LRRFIP1: variants seen among roughly 807,000 people sequenced by gnomAD.
The protein encoded by LRRFIP1 is LRR binding FLII interacting protein 1, also known as leucine-rich repeat flightless-interacting protein 1.
In LRRFIP1, 62 loss-of-function variants were observed where a neutral mutation model predicts 104.4. The ratio of observed to expected loss-of-function variants is 0.59; its 90% CI spans 0.48 to 0.73. The LOEUF (loss-of-function observed/expected upper bound fraction) is 0.73, where lower values mean the gene tolerates loss of function less well. Among genes scored for constraint, LRRFIP1 ranks in the 30% least tolerant of loss-of-function variants. The pLI, the probability that LRRFIP1 is intolerant of heterozygous loss-of-function variation, is 0.00. For missense variants in LRRFIP1, 796 were observed against 824.5 expected (o/e 0.97, Z 0.42); for synonymous variants, 300 against 299.0 (o/e 1.00, Z -0.03).
At chr2:237,745,833 C>T (rs999161346) in intron 11 of LRRFIP1, among the ~76,000 whole-genome samples, 1 of 152,152 alleles carries the variant, frequency 6.6e-6, no homozygotes, top group Non-Finnish European at 1.5e-5. Context: ...ACAGGCTTTT[C>T]AGTGGTAGTT....
At chr2:237,692,958 TC>T (rs1488105067) in intron 1 of LRRFIP1, among the ~76,000 whole-genome samples, 1 of 152,168 alleles carries the variant, frequency 6.6e-6, no homozygotes, top group Non-Finnish European at 1.5e-5. Flanking sequence ...TTTGGAGCAC[TC>T]AACCCGCTCA....
chr2:237,749,253 A>G lies in LRRFIP1; in HGVS notation c.724A>G (p.Thr242Ala). The change falls in exon 13 of 24, where the codon ACT becomes GCT. Residue 242 changes from threonine to alanine, a missense_variant. Physicochemically the swap from Thr to Ala is moderately conservative, Grantham distance 58 (BLOSUM62 0). Coordinates refer to ENST00000308482, the MANE Select transcript of LRRFIP1 (RefSeq NM_001137550.2). The stretch of plus-strand genomic sequence containing the variant: ...AGCCACGCTGGCCTCTCTGGGTGGG[A>G]CTTCCTCTCGGAGAGGCAGCGGAGA... ...SAATLASLGG[T>A]SSRRGSGDTS... 1 of 1,613,958 alleles carries G rather than the reference A, an allele frequency of 6.2e-7. No individual in the cohort carries two copies. The highest frequency in any genetic ancestry group is 1.1e-5 in the South Asian group (1 of 91,040).
intron 1 of LRRFIP1, among the ~76,000 whole-genome samples, chr2:237,675,031 A>T (rs977632303): frequency 4.6e-5 from 7 of 152,160 alleles, no homozygotes; most frequent in African/African-American, 1.7e-4. Flanking sequence ...TGTTTCTGTG[A>T]GCGTCACCCC....
At position 237,780,792 on chromosome 2, in the gene LRRFIP1, T is replaced by C. The variant is rs1470251102; in HGVS notation, c.*1260T>C. 6.6e-6 allele frequency among the ~76,000 whole-genome samples: 1 copy of C among 152,184 alleles called. No individual in the cohort carries two copies. Among genetic ancestry groups the C allele is most frequent in the African/African-American group, 2.4e-5 (1 of 41,452 alleles). On this transcript the variant is annotated 3_prime_UTR_variant, in exon 24 of 24. Transcript: ENST00000308482. ...CCAGTGTCCATCCCCCAGAACTGTA[T>C]GGATCTAGGATATACACAGCTGCGT...
At chr2:237,715,413 A>T (rs928052153) in intron 3 of LRRFIP1, among the ~76,000 whole-genome samples, 5 of 152,160 alleles carry the variant, frequency 3.3e-5, no homozygotes, top group African/African-American at 1.2e-4. Flanking sequence ...TCTCATCCAA[A>T]ACCTGGAAGA....
chr2:237,724,550 G>A lies in LRRFIP1; in HGVS notation c.384+964G>A, dbSNP rs367832812. Among the ~76,000 whole-genome samples the A allele has an allele frequency of 2.4e-4, 37 of 152,228 alleles. No homozygotes were observed. In the South Asian group the frequency reaches 6.0e-3, roughly 25 times the overall value. On this transcript the variant is annotated intron_variant, in intron 7 of 23. Coordinates refer to ENST00000308482, the MANE Select transcript of LRRFIP1 (RefSeq NM_001137550.2). ...ACAGGGGAAAGCACAAAGACAGGGCGTTAGATTCAGAAAGCGCTCTTCACA... is the reference window on the plus strand; with the variant it reads ...ACAGGGGAAAGCACAAAGACAGGGCATTAGATTCAGAAAGCGCTCTTCACA...
intron 11 of LRRFIP1, among the ~76,000 whole-genome samples, chr2:237,743,745 C>T (rs1446338642): frequency 6.6e-6 from 1 of 152,134 alleles, no homozygotes; most frequent in East Asian, 1.9e-4. Context: ...CGTTGTGAAG[C>T]CCAGCAGCGG....
At chr2:237,634,320 G>C (rs1485850061) in intron 1 of LRRFIP1, among the ~76,000 whole-genome samples, 1 of 152,252 alleles carries the variant, frequency 6.6e-6, no homozygotes, top group Non-Finnish European at 1.5e-5. Context: ...CATGGGCCCA[G>C]TTCAGGCCAG....
At chr2:237,769,759 C>A in intron 19 of LRRFIP1, 184 bp from the exon 20 acceptor site, 1 of 580,072 alleles carries the variant, frequency 1.7e-6, no homozygotes, top group East Asian at 2.9e-5. Flanking sequence ...GGAGGTTGAC[C>A]CAACCTCCTT....
At chr2:237,659,402 G>T in intron 1 of LRRFIP1, among the ~76,000 whole-genome samples, 1 of 151,656 alleles carries the variant, frequency 6.6e-6, no homozygotes, top group African/African-American at 2.4e-5. Context: ...GGCAGAAAAG[G>T]ATATGTTATT....
intron 1 of LRRFIP1, among the ~76,000 whole-genome samples, chr2:237,659,993 G>A (rs1388158609): frequency 2.6e-5 from 4 of 152,052 alleles, no homozygotes; most frequent in African/African-American, 9.7e-5. Flanking sequence ...AATCCCATAA[G>A]TTACCCCAGA....
chr2:237,756,047 C>A (rs928530912), intron 15 of LRRFIP1, 48 bp from the exon 16 acceptor site: 3 of 1,336,806 alleles, frequency 2.2e-6, no homozygotes, highest in Non-Finnish European at 3.2e-6. Flanking sequence ...ACTGGCATGC[C>A]AGAAACATGG....
intron 19 of LRRFIP1, chr2:237,762,722 A>T (rs756132522): frequency 6.2e-7 from 1 of 1,614,234 alleles, no homozygotes; most frequent in Non-Finnish European, 8.5e-7. Flanking sequence ...CTGTGTGGAC[A>T]TAGAGGTATT....
chr2:237,709,271 C>T (rs1464492603), intron 2 of LRRFIP1, among the ~76,000 whole-genome samples: 2 of 152,190 alleles, frequency 1.3e-5, no homozygotes, highest in Non-Finnish European at 2.9e-5. Flanking sequence ...CTTTAACTCA[C>T]AGTTATGGTG....
At chr2:237,759,210 G>A (rs987634540) in intron 18 of LRRFIP1, among the ~76,000 whole-genome samples, 6 of 152,154 alleles carry the variant, frequency 3.9e-5, no homozygotes, top group Non-Finnish European at 7.3e-5. Context: ...TAAGTGGTTT[G>A]GGCAAGGATC....
At chr2:237,770,246 G>A in intron 20 of LRRFIP1, 4 of 423,686 alleles carry the variant, frequency 9.4e-6, no homozygotes, top group Non-Finnish European at 1.3e-5. Context: ...AATTGAATTT[G>A]GTACATTTTA....
At chr2:237,659,389 C>G (rs959328838) in intron 1 of LRRFIP1, among the ~76,000 whole-genome samples, 1 of 151,416 alleles carries the variant, frequency 6.6e-6, no homozygotes, top group African/African-American at 2.4e-5. Context: ...AGCCACTGTG[C>G]CAGGCAGAAA....
chr2:237,636,352 CTT>C (rs59582281), intron 1 of LRRFIP1, among the ~76,000 whole-genome samples: 153 of 124,362 alleles, frequency 1.2e-3, no homozygotes, highest in African/African-American at 2.4e-3. Context: ...CCTTTCTTTT[CTT>C]TTTTTTTTTT....
At chr2:237,640,315 A>G (rs1016680944) in intron 1 of LRRFIP1, among the ~76,000 whole-genome samples, 7 of 152,018 alleles carry the variant, frequency 4.6e-5, no homozygotes, top group Non-Finnish European at 1.0e-4. Flanking sequence ...GGGACCGTCT[A>G]TAACAAGATA....
Sources: allele counts gnomAD v4.1 joint callset (sites outside exome capture counted in the v4.1 genomes callset), GRCh38; gene constraint gnomAD v4.1.1; transcripts MANE v1.5; gene names NCBI Gene and HGNC (gene_info 2026-07-23, HGNC 2026-07-21).